NPSR1: variants seen among roughly 807,000 people sequenced by gnomAD.
NPSR1 encodes neuropeptide S receptor 1, also known as neuropeptide S receptor.
Under a neutral mutation model 46.9 loss-of-function variants are expected in NPSR1, and 48 were observed. The ratio of observed to expected loss-of-function variants is 1.02; its 90% confidence interval spans 0.81 to 1.30. The LOEUF (loss-of-function observed/expected upper bound fraction) is 1.30. Among genes scored for constraint, NPSR1 ranks in the 50% most tolerant of loss-of-function variants. The probability of loss-of-function intolerance (pLI) is 0.00; values close to 1 mark genes in which losing one functional copy is unlikely to be tolerated. For synonymous variants in NPSR1, 176 were observed against 168.1 expected, an observed-to-expected ratio of 1.05 and a Z score of -0.36; for missense variants, 450 against 449.5, an observed-to-expected ratio of 1.00 and a Z score of -0.01.
intron 5 of NPSR1, among the ~76,000 whole-genome samples, chr7:34,832,327 A>T (rs1268035721): frequency 6.6e-6 from 1 of 152,184 alleles, no homozygotes; most frequent in Non-Finnish European, 1.5e-5. Flanking sequence ...TGGGCCCGGG[A>T]GTTCAAGACC....
intron 2 of NPSR1, among the ~76,000 whole-genome samples, chr7:34,741,286 T>C (rs1446731446): frequency 6.6e-6 from 1 of 152,196 alleles, no homozygotes; most frequent in Non-Finnish European, 1.5e-5. Flanking sequence ...TCTCTCTGCC[T>C]TCCTCTAAGA....
At chr7:34,694,443 T>C (rs1277857754) in intron 2 of NPSR1, among the ~76,000 whole-genome samples, 2 of 152,060 alleles carry the variant, frequency 1.3e-5, no homozygotes, top group African/African-American at 4.8e-5. Context: ...ATAAAACACC[T>C]AGGAATACTT....
At chr7:34,876,726 G>A (rs932682188) in intron 8 of NPSR1, among the ~76,000 whole-genome samples, 1 of 152,298 alleles carries the variant, frequency 6.6e-6, no homozygotes, top group Middle Eastern at 3.4e-3. Context: ...GGTCCGAGAA[G>A]GACCTAGGCT....
At chr7:34,756,627 A>G (rs547329783) in intron 2 of NPSR1, among the ~76,000 whole-genome samples, 2 of 152,362 alleles carry the variant, frequency 1.3e-5, no homozygotes, top group South Asian at 4.1e-4. Flanking sequence ...TTTGAATTTC[A>G]TATAATTTTC....
At chr7:34,756,421 T>C (rs1465219154) in intron 2 of NPSR1, among the ~76,000 whole-genome samples, 1 of 152,106 alleles carries the variant, frequency 6.6e-6, no homozygotes, top group Non-Finnish European at 1.5e-5. Flanking sequence ...TTGAGAATAA[T>C]GGAAAGAGCA....
chr7:34,694,459 C>T (rs2128691726), intron 2 of NPSR1, among the ~76,000 whole-genome samples: 1 of 152,094 alleles, frequency 6.6e-6, no homozygotes, highest in Non-Finnish European at 1.5e-5. Context: ...TACTTTTAAC[C>T]AAGGAGATGA....
intron 2 of NPSR1, among the ~76,000 whole-genome samples, chr7:34,738,913 C>A (rs895523185): frequency 6.6e-6 from 1 of 152,138 alleles, no homozygotes; most frequent in Non-Finnish European, 1.5e-5. Flanking sequence ...CCACACCCCC[C>A]ATCCAGCCCT....
At chr7:34,742,520 A>T (rs1218915748) in intron 2 of NPSR1, among the ~76,000 whole-genome samples, 1 of 152,228 alleles carries the variant, frequency 6.6e-6, no homozygotes, top group Non-Finnish European at 1.5e-5. Flanking sequence ...ATGATTGCAT[A>T]GTATCCCATG....
At chr7:34,843,518 C>T (rs547718397) in intron 6 of NPSR1, among the ~76,000 whole-genome samples, 4 of 152,364 alleles carry the variant, frequency 2.6e-5, no homozygotes, top group African/African-American at 9.6e-5. Flanking sequence ...TTCGCAGGGA[C>T]ATTCAAACCA....
Position 34,872,650 on chromosome 7 carries a change from G to A in NPSR1, c.1026-5426G>A, listed in dbSNP as rs746029527. Among the ~76,000 whole-genome samples the A allele has an allele frequency of 7.2e-5, 11 of 151,762 alleles. 1 individual carries two copies. Among genetic ancestry groups the A allele is most frequent in the African/African-American group, 2.4e-4 (10 of 41,016 alleles). ...GGAGGCCTCACAATCATGGTGGAAG[G>A]CAAGGAGAAGCAAATTATGTCTTAC... is the stretch of plus-strand genomic sequence containing the variant. On this transcript the variant is annotated intron_variant, in intron 8 of 8. Transcript: ENST00000359791.
intron 4 of NPSR1, among the ~76,000 whole-genome samples, chr7:34,822,082 A>T (rs1354038606): frequency 6.6e-6 from 1 of 152,180 alleles, no homozygotes; most frequent in African/African-American, 2.4e-5. Context: ...TATAATGTAT[A>T]ATTCAGCCCC....
chr7:34,853,021 C>A (rs536631718), downstream of NPSR1, among the ~76,000 whole-genome samples: 1 of 152,204 alleles, frequency 6.6e-6, no homozygotes, highest in Non-Finnish European at 1.5e-5. Flanking sequence ...ACATCTCCCA[C>A]CTTTTCCCCC....
At chr7:34,735,455 T>C (rs1784625472) in intron 2 of NPSR1, among the ~76,000 whole-genome samples, 1 of 152,248 alleles carries the variant, frequency 6.6e-6, no homozygotes, top group South Asian at 2.1e-4. Flanking sequence ...TTTGCTGACC[T>C]TAATAAATGA....
intron 1 of NPSR1, among the ~76,000 whole-genome samples, chr7:34,677,432 C>T (rs1030024164): frequency 5.3e-5 from 8 of 152,190 alleles, no homozygotes; most frequent in Non-Finnish European, 7.3e-5. Context: ...GAAAATGTAA[C>T]GTTGACTTCC....
At chr7:34,792,965 A>G (rs890494111) in intron 3 of NPSR1, among the ~76,000 whole-genome samples, 1 of 151,284 alleles carries the variant, frequency 6.6e-6, no homozygotes, top group African/African-American at 2.4e-5. Context: ...AAGCAGGAGG[A>G]TTTGAGACCA....
chr7:34,724,634 C>T (rs1009537708), intron 2 of NPSR1, among the ~76,000 whole-genome samples: 1 of 152,138 alleles, frequency 6.6e-6, no homozygotes, highest in South Asian at 2.1e-4. Context: ...GTGGTCTGCA[C>T]ATAGTGGTGA....
intron 3 of NPSR1, among the ~76,000 whole-genome samples, chr7:34,803,992 T>G (rs1368367373): frequency 1.3e-5 from 2 of 151,950 alleles, no homozygotes; most frequent in African/African-American, 2.4e-5. Flanking sequence ...CTAAAGAAAC[T>G]GAATTAATAA....
chr7:34,811,413 C>T (rs1415243590), intron 3 of NPSR1, among the ~76,000 whole-genome samples: 2 of 152,064 alleles, frequency 1.3e-5, no homozygotes, highest in African/African-American at 4.8e-5. Flanking sequence ...TTCTGCCATT[C>T]GTCTGCTCAT....
chr7:34,705,859 T>C (rs750946898), intron 2 of NPSR1, among the ~76,000 whole-genome samples: 2 of 152,180 alleles, frequency 1.3e-5, no homozygotes, highest in Non-Finnish European at 1.5e-5. Context: ...TCAATACTTA[T>C]CAAGAGTTTT....
Sources: allele counts gnomAD v4.1 joint callset (sites outside exome capture counted in the v4.1 genomes callset), GRCh38; gene constraint gnomAD v4.1.1; transcripts MANE v1.5; gene names NCBI Gene and HGNC (gene_info 2026-07-23, HGNC 2026-07-21).